Variants in AJAP1 observed in about 807,000 individuals in gnomAD.
AJAP1 encodes the protein adherens junction-associated protein 1.
In AJAP1, 5 loss-of-function variants were observed where a neutral mutation model predicts 35.0. The observed-to-expected ratio is 0.14, with a 90% CI of 0.07 to 0.30. The LOEUF (loss-of-function observed/expected upper bound fraction) is 0.30. Ranked by LOEUF, AJAP1 falls within the 10% of genes least tolerant of loss-of-function variation. The probability of loss-of-function intolerance (pLI) is 1.00; values close to 1 mark genes in which losing one functional copy is unlikely to be tolerated. For missense variants in AJAP1, 586 were observed against 571.0 expected, an observed-to-expected ratio of 1.03 and a Z score of -0.27; for synonymous variants, 284 against 249.3, an observed-to-expected ratio of 1.14 and a Z score of -1.31.
At chr1:4,690,331 G>T (rs1639710955) in intron 1 of AJAP1, among the ~76,000 whole-genome samples, 1 of 152,146 alleles carries the variant, frequency 6.6e-6, no homozygotes, top group South Asian at 2.1e-4. Flanking sequence ...AGCTGGGTCT[G>T]CAAAGTCCAG....
chr1:4,656,971 G>T lies in AJAP1; in HGVS notation c.29+1517G>T, dbSNP rs571618297. 6.1e-4 allele frequency among the ~76,000 whole-genome samples: 93 copies of T among 152,268 alleles called. No individual in the cohort carries two copies. Among genetic ancestry groups the T allele is most frequent in the Non-Finnish European group, 1.1e-3 (75 of 68,014 alleles). The stretch of plus-strand genomic sequence containing the variant: ...CCTGCTCTGCCCCGGACTGTCCCAG[G>T]TCTCAGCAAGACCTTCCAAGGCTTT... On this transcript the variant is annotated intron_variant, in intron 1 of 5. Transcript: ENST00000378191. This position sits in a 1 kb window ranked among gnomAD's most constrained non-coding sequence, Gnocchi z 5.7.
intron 2 of AJAP1, among the ~76,000 whole-genome samples, chr1:4,730,124 G>C (rs911688636): frequency 6.6e-6 from 1 of 152,272 alleles, no homozygotes; most frequent in South Asian, 2.1e-4. Flanking sequence ...CGGATATGTC[G>C]GTATTGCCTG....
chr1:4,748,804 A>G lies in AJAP1; in HGVS notation c.830-21049A>G, dbSNP rs1313953773. Reference sequence around the variant, plus strand: ...GGAACCAGGGCTCTTACAAAAGAGGATGACAGGGCACCCTGGAGTCTTTTT... The same window carrying G: ...GGAACCAGGGCTCTTACAAAAGAGGGTGACAGGGCACCCTGGAGTCTTTTT... On this transcript the variant is annotated intron_variant, in intron 2 of 5. Coordinates refer to ENST00000378191, the MANE Select transcript of AJAP1 (RefSeq NM_018836.4). Among the ~76,000 whole-genome samples the G allele has an allele frequency of 3.3e-5, 5 of 150,898 alleles. No homozygotes were observed. The East Asian group carries it at 9.8e-4, about 29-fold the overall frequency.
chr1:4,730,182 T>C (rs1294051448), intron 2 of AJAP1, among the ~76,000 whole-genome samples: 1 of 152,194 alleles, frequency 6.6e-6, no homozygotes, highest in East Asian at 1.9e-4. Context: ...TTCCGGAAGA[T>C]TTCCATGATT....
In AJAP1 at chr1:4,734,270, C is replaced by T. The variant is rs1266820879; in HGVS notation, c.829+21571C>T. On this transcript the variant is annotated intron_variant, in intron 2 of 5. Transcript: ENST00000378191. The surrounding 1 kb of genome is among the most constrained non-coding windows in gnomAD (Gnocchi z 4.3). ...AGGAAGGGCCTGCCCTACTGAGCCT[C>T]CTGCCTCACTATTAACAGCGCTGCG... Among the ~76,000 whole-genome samples the T allele has an allele frequency of 6.6e-6, 1 of 152,204 alleles. No individual in the cohort carries two copies. The highest frequency in any genetic ancestry group is 1.5e-5 in the Non-Finnish European group (1 of 68,036).
intron 1 of AJAP1, among the ~76,000 whole-genome samples, chr1:4,695,100 G>A (rs1183351166): frequency 6.6e-6 from 1 of 152,152 alleles, no homozygotes; most frequent in Non-Finnish European, 1.5e-5. Context: ...TCACAACTTG[G>A]GAGAGGGTGC....
Position 4,783,221 on chromosome 1 carries a change from G to T in AJAP1, c.*736G>T, listed in dbSNP as rs866041627. On this transcript the variant is annotated 3_prime_UTR_variant, in exon 6 of 6. Transcript: ENST00000378191. ...TCACACACATATTACACACATGTGCGCATTACACACACACAATACACATAC... is the reference window on the plus strand; with the variant it reads ...TCACACACATATTACACACATGTGCTCATTACACACACACAATACACATAC... 7.9e-6 allele frequency: 1 copy of T among 126,952 alleles called. No homozygotes were observed. The highest frequency in any genetic ancestry group is 1.5e-5 in the Non-Finnish European group (1 of 68,390). 7.9% of individuals were successfully genotyped at this position (126,952 alleles called of 1,614,324 possible). A position where few individuals can be genotyped will look rare whatever the true frequency, so the allele number is the denominator to read the frequency against.
intron 1 of AJAP1, among the ~76,000 whole-genome samples, chr1:4,710,451 TCACA>T (rs1258457442): frequency 1.6e-5 from 2 of 128,476 alleles, no homozygotes; most frequent in Non-Finnish European, 3.3e-5. Context: ...TCACACCCAG[TCACA>T]CACGTACACA....
chr1:4,694,219 G>C (rs948220936), intron 1 of AJAP1, among the ~76,000 whole-genome samples: 36 of 152,322 alleles, frequency 2.4e-4, no homozygotes, highest in African/African-American at 8.2e-4. Context: ...CCTTTGCCGG[G>C]GGGGGATGGC....
In AJAP1 at chr1:4,701,483, A is replaced by C. The variant is rs1008885768; in HGVS notation, c.30-10417A>C. ...CCTGCAAGCCTCTTTCCTCTTGGAG[A>C]TGAGACCATCGTTCCTCCCTTACTG... On this transcript the variant is annotated intron_variant, in intron 1 of 5. Transcript: ENST00000378191. Among the ~76,000 whole-genome samples, 5 of 152,104 alleles carry C rather than the reference A, an allele frequency of 3.3e-5. 1 individual carries two copies. Among genetic ancestry groups the C allele is most frequent in the Admixed American group, 3.3e-4 (5 of 15,272 alleles).
At chr1:4,698,936 A>G (rs1166515587) in intron 1 of AJAP1, among the ~76,000 whole-genome samples, 1 of 152,122 alleles carries the variant, frequency 6.6e-6, no homozygotes, top group African/African-American at 2.4e-5. Context: ...GCAGGCAGCT[A>G]AGGGGTCCTA....
intron 1 of AJAP1, among the ~76,000 whole-genome samples, chr1:4,673,692 A>G (rs533190928): frequency 2.6e-5 from 4 of 152,254 alleles, no homozygotes; most frequent in African/African-American, 4.8e-5. Context: ...TTCCCAGGGC[A>G]TGTCCTGGCT....
chr1:4,697,259 G>C lies in AJAP1; in HGVS notation c.30-14641G>C, dbSNP rs534710477. On this transcript the variant is annotated intron_variant, in intron 1 of 5. Coordinates refer to ENST00000378191, the MANE Select transcript of AJAP1 (RefSeq NM_018836.4). Reference sequence around the variant, plus strand: ...TGTGTGCATTATGCACATGTGACCTGTATATGTGAGTGTGGCACAGGATTA... The same window carrying C: ...TGTGTGCATTATGCACATGTGACCTCTATATGTGAGTGTGGCACAGGATTA... 3.9e-5 allele frequency among the ~76,000 whole-genome samples: 6 copies of C among 152,384 alleles called. No homozygotes were observed. In the South Asian group the frequency reaches 1.2e-3, roughly 32 times the overall value.
chr1:4,660,677 T>C (rs1442802512), intron 1 of AJAP1, among the ~76,000 whole-genome samples: 1 of 152,176 alleles, frequency 6.6e-6, no homozygotes, highest in Non-Finnish European at 1.5e-5. Flanking sequence ...GTCGTGTATT[T>C]GTATTTAACA....
chr1:4,737,863 C>T (rs1640965172), intron 2 of AJAP1, among the ~76,000 whole-genome samples: 1 of 152,200 alleles, frequency 6.6e-6, no homozygotes, highest in Non-Finnish European at 1.5e-5. Context: ...GATTGCACTA[C>T]TGCACTCCAG....
intron 2 of AJAP1, among the ~76,000 whole-genome samples, chr1:4,715,193 C>T (rs1196075011): frequency 6.6e-6 from 1 of 152,238 alleles, no homozygotes; most frequent in South Asian, 2.1e-4. Flanking sequence ...ACTCACACTT[C>T]TCAGACATCT....
intron 2 of AJAP1, among the ~76,000 whole-genome samples, chr1:4,718,302 G>A (rs532384663): frequency 1.2e-4 from 18 of 152,282 alleles, no homozygotes; most frequent in African/African-American, 4.1e-4. Context: ...TTCTGGACAC[G>A]ACTGTGTTGC....
At chr1:4,706,770 A>C (rs538664694) in intron 1 of AJAP1, among the ~76,000 whole-genome samples, 1 of 152,334 alleles carries the variant, frequency 6.6e-6, no homozygotes, top group African/African-American at 2.4e-5. Context: ...TTCTGTGAAG[A>C]AAATATACAG....
chr1:4,711,069 A>G (rs1640220637), intron 1 of AJAP1: 1 of 152,292 alleles, frequency 6.6e-6, no homozygotes, highest in Non-Finnish European at 1.5e-5. Context: ...GGGCACCGGC[A>G]CTGCAGATAA....
Sources: gnomAD v4.1 joint callset for allele counts (sites outside exome capture counted in the v4.1 genomes callset) on GRCh38, gnomAD v4.1.1 for gene constraint, Gnocchi (gnomAD v3.1) non-coding constraint, MANE v1.5 for transcripts, NCBI Gene and HGNC (gene_info 2026-07-23, HGNC 2026-07-21) for gene names.